ARHGAP39: variants seen among roughly 807,000 people sequenced by gnomAD.
ARHGAP39 encodes the protein rho GTPase-activating protein 39.
Under a neutral mutation model 106.9 loss-of-function variants are expected in ARHGAP39, and 44 were observed. The observed-to-expected ratio is 0.41, with a 90% CI of 0.32 to 0.53. ARHGAP39 has a LOEUF of 0.53. Ranked by LOEUF, ARHGAP39 falls within the 20% of genes least tolerant of loss-of-function variation. The probability of loss-of-function intolerance (pLI) is 0.21; values close to 1 mark genes in which losing one functional copy is unlikely to be tolerated. For synonymous variants in ARHGAP39, 768 were observed against 693.2 expected, an observed-to-expected ratio of 1.11 and a Z score of -1.69; for missense variants, 1,496 against 1,577.3, an observed-to-expected ratio of 0.95 and a Z score of 0.87.
intron 3 of ARHGAP39, 84 bp downstream of exon 3, chr8:144,580,757 GGCCCC>G: frequency 5.3e-6 from 1 of 188,782 alleles, no homozygotes; most frequent in South Asian, 9.4e-5. Context: ...GCTCTCACCT[GGCCCC>G]GCCCACCACC....
At chr8:144,630,612 G>A (rs564241328) in intron 1 of ARHGAP39, among the ~76,000 whole-genome samples, 1 of 152,364 alleles carries the variant, frequency 6.6e-6, no homozygotes, top group East Asian at 1.9e-4. Flanking sequence ...GCTGTGGTGT[G>A]AATGAATGTC....
At chr8:144,655,105 C>T (rs1821663197) in intron 1 of ARHGAP39, among the ~76,000 whole-genome samples, 1 of 152,284 alleles carries the variant, frequency 6.6e-6, no homozygotes, top group South Asian at 2.1e-4. Flanking sequence ...GTGCCATGAA[C>T]AGCAGCAGGA....
chr8:144,649,203 G>A (rs1027939261), intron 1 of ARHGAP39, among the ~76,000 whole-genome samples: 3 of 152,104 alleles, frequency 2.0e-5, no homozygotes, highest in African/African-American at 7.2e-5. Flanking sequence ...CAGCACTTTG[G>A]GAGGCTGAGG....
At position 144,548,992 on chromosome 8, in the gene ARHGAP39, C is replaced by T. The variant is rs754216865; in HGVS notation, c.597-503G>A. On this transcript the variant is annotated intron_variant, in intron 4 of 11. Coordinates refer to ENST00000377307, the MANE Select transcript of ARHGAP39 (RefSeq NM_025251.3). This position sits in a 1 kb window ranked among gnomAD's most constrained non-coding sequence, Gnocchi z 7.4. ...GAGCTCCAGAAAGACTGACTGTCCT[C>T]CTCTGACCCTGCCCCAGTCACCACG... is the stretch of plus-strand genomic sequence containing the variant. Among the ~76,000 whole-genome samples the T allele has an allele frequency of 6.6e-6, 1 of 152,208 alleles. No homozygotes were observed. The highest frequency in any genetic ancestry group is 2.4e-5 in the African/African-American group (1 of 41,448).
intron 1 of ARHGAP39, among the ~76,000 whole-genome samples, chr8:144,628,883 G>T (rs955935790): frequency 7.2e-5 from 11 of 152,150 alleles, no homozygotes; most frequent in African/African-American, 2.7e-4. Context: ...TGTGATGGCA[G>T]GCGTGTCTCC....
chr8:144,689,261 G>A (rs1189484539), upstream of ARHGAP39, among the ~76,000 whole-genome samples: 1 of 151,810 alleles, frequency 6.6e-6, no homozygotes, highest in African/African-American at 2.4e-5. Context: ...TTAACTAGAA[G>A]TAAGTTTGAC....
chr8:144,602,488 G>A (rs774497273), intron 2 of ARHGAP39, among the ~76,000 whole-genome samples: 3 of 129,840 alleles, frequency 2.3e-5, no homozygotes, highest in South Asian at 2.6e-4. Flanking sequence ...GTGTGTGCGC[G>A]AGCTCATGTA....
rs777652637 is a variant in ARHGAP39 at position 144,547,904 on chromosome 8, G to A, written c.1182C>T (p.Tyr394=). 5.0e-6 allele frequency: 8 copies of A among 1,584,468 alleles called. No homozygotes were observed. Among genetic ancestry groups the A allele is most frequent in the South Asian group, 3.4e-5 (3 of 87,934 alleles). ...SLEYSPAGKE[Y]VRQLVYVEQA... is the part of the protein sequence containing the mutation. ...GCTCCACGTAGACCAGCTGCCGCAC[G>A]TACTCCTTGCCGGCGGGACTGTACT... The change falls in exon 5 of 12, where the codon TAC becomes TAT. Residue 394 remains tyrosine, a synonymous_variant. Transcript: ENST00000377307. This position sits in a 1 kb window ranked among gnomAD's most constrained non-coding sequence, Gnocchi z 5.2.
chr8:144,534,312 T>C (rs922974848), intron 7 of ARHGAP39, 110 bp from the exon 8 acceptor site: 13 of 1,225,890 alleles, frequency 1.1e-5, no homozygotes, highest in Non-Finnish European at 1.3e-5. Context: ...TGGGCTGGCC[T>C]TGCCCCGGTC....
chr8:144,689,077 T>C (rs1184231371), upstream of ARHGAP39, among the ~76,000 whole-genome samples: 1 of 151,412 alleles, frequency 6.6e-6, no homozygotes, highest in African/African-American at 2.4e-5. Context: ...CGAGAAAAGG[T>C]CTATTGTTTA....
chr8:144,695,609 A>G, the ARHGAP39 span, among the ~76,000 whole-genome samples: 1 of 152,198 alleles, frequency 6.6e-6, no homozygotes, highest in East Asian at 1.9e-4. Context: ...GCTAGCGCTC[A>G]AAGTTCTCTC....
chr8:144,672,954 T>C (rs1017277056), intron 1 of ARHGAP39, among the ~76,000 whole-genome samples: 3 of 152,144 alleles, frequency 2.0e-5, no homozygotes, highest in East Asian at 3.8e-4. Flanking sequence ...CAGTGGTTCA[T>C]GCCTGTAATC....
intron 1 of ARHGAP39, among the ~76,000 whole-genome samples, chr8:144,655,071 G>A (rs1433146049): frequency 6.6e-6 from 1 of 152,160 alleles, no homozygotes; most frequent in African/African-American, 2.4e-5. Context: ...TCCAGTCTTG[G>A]AGCAAAGTTG....
chr8:144,531,061 A>C (rs1041763503), intron 10 of ARHGAP39, among the ~76,000 whole-genome samples, 190 bp from the exon 11 acceptor site: 2 of 152,210 alleles, frequency 1.3e-5, no homozygotes, highest in Non-Finnish European at 2.9e-5. Flanking sequence ...TGGGGGCCTG[A>C]ACTCGATCCT....
chr8:144,602,457 G>C (rs566332160), intron 2 of ARHGAP39, among the ~76,000 whole-genome samples: 3 of 139,398 alleles, frequency 2.2e-5, no homozygotes, highest in African/African-American at 5.5e-5. Flanking sequence ...GTGCGAGCTC[G>C]TGTACCTGTG....
intron 1 of ARHGAP39, among the ~76,000 whole-genome samples, chr8:144,608,568 G>T (rs2130951132): frequency 6.6e-6 from 1 of 152,322 alleles, no homozygotes; most frequent in South Asian, 2.1e-4. Flanking sequence ...TGTTGAAGTT[G>T]TTTTAATTAT....
At chr8:144,623,735 C>T (rs1476964547) in intron 1 of ARHGAP39, among the ~76,000 whole-genome samples, 2 of 152,234 alleles carry the variant, frequency 1.3e-5, no homozygotes, top group Non-Finnish European at 2.9e-5. Context: ...AAACTGACCA[C>T]AGAGCAGGGC....
At chr8:144,588,156 T>G (rs1324421643) in intron 2 of ARHGAP39, among the ~76,000 whole-genome samples, 1 of 152,216 alleles carries the variant, frequency 6.6e-6, no homozygotes, top group Non-Finnish European at 1.5e-5. Context: ...TTGACAGCAC[T>G]GTGGGGACTC....
At chr8:144,545,173 G>C (rs1251068910) in intron 6 of ARHGAP39, 76 bp downstream of exon 6, 3 of 1,337,880 alleles carry the variant, frequency 2.2e-6, no homozygotes, top group African/African-American at 2.9e-5. Context: ...GACTTCACCA[G>C]CTGCCGCCCA....
Sources: allele counts gnomAD v4.1 joint callset (sites outside exome capture counted in the v4.1 genomes callset), GRCh38; gene constraint gnomAD v4.1.1; non-coding constraint Gnocchi (gnomAD v3.1); transcripts MANE v1.5; gene names NCBI Gene and HGNC (gene_info 2026-07-23, HGNC 2026-07-21).